The following RBFOX1 variants were observed in gnomAD, a reference collection of about 807,000 sequenced individuals.
RBFOX1 encodes the protein RNA binding fox-1 homolog 1, also known as RNA binding protein fox-1 homolog 1.
RBFOX1 carries 8 observed loss-of-function variants against 57.7 expected under a neutral mutation model. The observed-to-expected ratio is 0.14, with a 90% CI of 0.08 to 0.25. RBFOX1 has a LOEUF of 0.25. Ranked by LOEUF, RBFOX1 falls within the 10% of genes least tolerant of loss-of-function variation. The pLI is 1.00. For missense variants in RBFOX1, 611 were observed against 548.5 expected (o/e 1.11, Z -1.14); for synonymous variants, 326 against 222.4 (o/e 1.47, Z -4.15).
chr16:6,940,802 G>A (rs1334481405), intron 3 of RBFOX1, among the ~76,000 whole-genome samples: 2 of 111,946 alleles, frequency 1.8e-5, no homozygotes, highest in Admixed American at 8.7e-5. Flanking sequence ...GTGTGTGTGT[G>A]TGTGTGTGTA....
At chr16:6,411,865 G>C (rs1449019059) in intron 2 of RBFOX1, among the ~76,000 whole-genome samples, 2 of 151,986 alleles carry the variant, frequency 1.3e-5, no homozygotes, top group South Asian at 2.1e-4. Flanking sequence ...CAGGTGTGGT[G>C]GCTCACGCCT....
intron 4 of RBFOX1, among the ~76,000 whole-genome samples, chr16:7,341,704 T>C (rs1293508620): frequency 6.8e-6 from 1 of 147,408 alleles, no homozygotes; most frequent in Non-Finnish European, 1.5e-5. Flanking sequence ...CCTTCCTTCC[T>C]TCCTTCCTTC....
intron 4 of RBFOX1, among the ~76,000 whole-genome samples, chr16:7,268,576 A>G (rs1229733560): frequency 3.9e-5 from 6 of 152,202 alleles, no homozygotes; most frequent in Non-Finnish European, 8.8e-5. Context: ...TAAAGAACAG[A>G]TTATGCGCTG....
intron 3 of RBFOX1, among the ~76,000 whole-genome samples, chr16:5,857,534 G>A (rs913366315): frequency 6.6e-6 from 1 of 152,150 alleles, no homozygotes; most frequent in Non-Finnish European, 1.5e-5. Context: ...ACCTGGGCCT[G>A]TAATAACCTC....
intron 1 of RBFOX1, among the ~76,000 whole-genome samples, chr16:5,281,373 G>A (rs1360627472): frequency 6.6e-6 from 1 of 152,184 alleles, no homozygotes; most frequent in East Asian, 1.9e-4. Flanking sequence ...AATGTTCCAT[G>A]TGTTGATGAG....
At chr16:5,518,700 G>T in intron 2 of RBFOX1, among the ~76,000 whole-genome samples, 1 of 152,186 alleles carries the variant, frequency 6.6e-6, no homozygotes, top group East Asian at 1.9e-4. Flanking sequence ...ACTCTAGGGA[G>T]TCCTTTTATC....
intron 4 of RBFOX1, chr16:7,332,880 C>G: frequency 6.4e-7 from 1 of 1,554,348 alleles, no homozygotes; most frequent in Admixed American, 1.8e-5. Flanking sequence ...GAGTGCTTGG[C>G]TCCTGACAGA....
intron 3 of RBFOX1, among the ~76,000 whole-genome samples, chr16:6,962,605 C>G (rs528933731): frequency 6.6e-6 from 1 of 152,244 alleles, no homozygotes; most frequent in Non-Finnish European, 1.5e-5. Flanking sequence ...TCATGCCTAC[C>G]TATAATCCCA....
chr16:7,332,395 A>G (rs1426512696), intron 4 of RBFOX1, among the ~76,000 whole-genome samples: 1 of 152,200 alleles, frequency 6.6e-6, no homozygotes, highest in East Asian at 1.9e-4. Flanking sequence ...ACAAATTGCC[A>G]CTTTAAATTT....
chr16:6,193,360 A>ATATATATATACACATTATATATATATAC (rs2097154505), intron 1 of RBFOX1, among the ~76,000 whole-genome samples: 2 of 66,534 alleles, frequency 3.0e-5, no homozygotes, highest in Non-Finnish European at 6.5e-5. Flanking sequence ...TATACATTAT[A>ATATATATATACACATTATATATATATAC]TATATATATA....
At chr16:5,553,772 C>T (rs192272790) in intron 2 of RBFOX1, among the ~76,000 whole-genome samples, 17 of 136,128 alleles carry the variant, frequency 1.2e-4, no homozygotes, top group African/African-American at 3.2e-4. Context: ...TGTGAAACCT[C>T]ATACCACAAT....
rs141030943 is a variant in RBFOX1, at chr16:5,467,147, A to G, written c.220-69A>G. On this transcript the variant is annotated intron_variant, in intron 1 of 2. Transcript: ENST00000585867. ...CTAAGAGAAAAACAAAGCCAAAGCA[A>G]TTGTTTCAATGTAGACTCAATGTTT... 5.7e-4 allele frequency: 785 copies of G among 1,375,320 alleles called. 10 individuals carry two copies. In the African/African-American group the frequency reaches 9.3e-3, roughly 16 times the overall value. The allele number at this position is 1,375,320 out of a possible 1,614,324, so 85.2% of individuals were successfully genotyped here.
At chr16:7,259,561 T>C (rs565596680) in intron 4 of RBFOX1, among the ~76,000 whole-genome samples, 1 of 148,180 alleles carries the variant, frequency 6.7e-6, no homozygotes, top group Non-Finnish European at 1.5e-5. Context: ...AAATCTCCAA[T>C]GTAAAAAAAA....
intron 3 of RBFOX1, among the ~76,000 whole-genome samples, chr16:6,739,026 A>T (rs527645450): frequency 6.6e-6 from 1 of 152,282 alleles, no homozygotes; most frequent in African/African-American, 2.4e-5. Flanking sequence ...AATGCTTTCA[A>T]TTTAAAAATG....
intron 4 of RBFOX1, among the ~76,000 whole-genome samples, chr16:5,976,218 C>A (rs11863516): frequency 0.62 from 93,729 of 151,996 alleles, 30,691 homozygotes; most frequent in East Asian, 0.87. Flanking sequence ...TTACCCAGTT[C>A]GGTATCCCAG....
chr16:7,390,470 C>G (rs1191551481), intron 4 of RBFOX1, among the ~76,000 whole-genome samples: 1 of 152,214 alleles, frequency 6.6e-6, no homozygotes, highest in Non-Finnish European at 1.5e-5. Context: ...CTTCTAACCT[C>G]TCAAAGCCTT....
chr16:6,791,720 C>T (rs1288320363), intron 3 of RBFOX1, among the ~76,000 whole-genome samples: 2 of 152,158 alleles, frequency 1.3e-5, no homozygotes, highest in African/African-American at 2.4e-5. Context: ...GATCGTGCCA[C>T]ACTGCACTGC....
intron 4 of RBFOX1, among the ~76,000 whole-genome samples, chr16:7,453,867 C>A (rs1165508552): frequency 6.6e-6 from 1 of 152,152 alleles, no homozygotes; most frequent in East Asian, 1.9e-4. Flanking sequence ...ACAGAGTCTT[C>A]ACCAAAGGCT....
intron 3 of RBFOX1, among the ~76,000 whole-genome samples, chr16:5,860,881 T>C (rs1597532935): frequency 1.3e-5 from 2 of 152,340 alleles, no homozygotes; most frequent in South Asian, 4.1e-4. Context: ...GTCGTTCTTC[T>C]GGGCTTATTT....
Sources: allele counts gnomAD v4.1 joint callset (sites outside exome capture counted in the v4.1 genomes callset), GRCh38; gene constraint gnomAD v4.1.1; transcripts MANE v1.5; gene names NCBI Gene and HGNC (gene_info 2026-07-23, HGNC 2026-07-21).